Variants in FAT3 observed in about 807,000 individuals in gnomAD.
FAT3 encodes FAT atypical cadherin 3, also known as protocadherin Fat 3.
Under a neutral mutation model 310.2 loss-of-function variants are expected in FAT3, and 95 were observed. That is an observed-to-expected ratio of 0.31 (90% confidence interval 0.26 to 0.36). The LOEUF (loss-of-function observed/expected upper bound fraction) is 0.36, where lower values mean the gene tolerates loss of function less well. Ranked by LOEUF, FAT3 falls within the 10% of genes least tolerant of loss-of-function variation. FAT3 has a pLI of 1.00. For missense variants in FAT3, 5,408 were observed against 5,715.6 expected, an observed-to-expected ratio of 0.95 and a Z score of 1.74; for synonymous variants, 2,314 against 2,192.9, an observed-to-expected ratio of 1.06 and a Z score of -1.54.
chr11:92,789,717 A>G (rs1042442020), intron 7 of FAT3, among the ~76,000 whole-genome samples: 4 of 152,236 alleles, frequency 2.6e-5, no homozygotes, highest in Admixed American at 6.5e-5. Context: ...AATAGTGAGA[A>G]TATTGGTCAG....
intron 26 of FAT3, 126 bp from the exon 27 acceptor site, chr11:92,889,730 C>A: frequency 1.5e-6 from 1 of 648,148 alleles, no homozygotes; most frequent in Non-Finnish European, 2.9e-6. Context: ...ATAAAAAAGG[C>A]TAAACTTAGT....
intron 1 of FAT3, among the ~76,000 whole-genome samples, chr11:92,237,418 T>G (rs1036789126): frequency 6.6e-6 from 1 of 152,146 alleles, no homozygotes; most frequent in African/African-American, 2.4e-5. Flanking sequence ...GTGACTCTCC[T>G]TTGTTTGGGA....
chr11:92,729,077 C>T (rs934090351), intron 4 of FAT3, among the ~76,000 whole-genome samples: 1 of 152,110 alleles, frequency 6.6e-6, no homozygotes, highest in Admixed American at 6.6e-5. Context: ...AGAAAGGGGC[C>T]CAAGTCTTTG....
chr11:92,613,094 C>G (rs1367721706), intron 3 of FAT3, among the ~76,000 whole-genome samples: 3 of 152,150 alleles, frequency 2.0e-5, no homozygotes, highest in Non-Finnish European at 4.4e-5. Flanking sequence ...TTCTTGGATT[C>G]TAAGATCAGA....
chr11:92,528,611 T>C (rs544720777), intron 3 of FAT3, among the ~76,000 whole-genome samples: 14 of 152,164 alleles, frequency 9.2e-5, no homozygotes, highest in East Asian at 3.9e-4. Context: ...TGGTCTCGAT[T>C]TCCTGACCTC....
At chr11:92,234,565 G>A (rs1864330799) in intron 1 of FAT3, among the ~76,000 whole-genome samples, 1 of 152,040 alleles carries the variant, frequency 6.6e-6, no homozygotes, top group East Asian at 1.9e-4. Context: ...TCAGCAGTTC[G>A]AGACCTGCCT....
intron 22 of FAT3, among the ~76,000 whole-genome samples, chr11:92,871,856 G>A (rs1487484590): frequency 6.6e-6 from 1 of 152,102 alleles, no homozygotes; most frequent in Non-Finnish European, 1.5e-5. Flanking sequence ...ACTGACATTT[G>A]GGAATCCTGA....
chr11:92,439,238 CTT>C (rs530002461), intron 2 of FAT3, among the ~76,000 whole-genome samples: 1 of 151,378 alleles, frequency 6.6e-6, no homozygotes, highest in Non-Finnish European at 1.5e-5. Context: ...TTTTAATGCT[CTT>C]TTAAAAAAAC....
chr11:92,810,278 C>T (rs1056561312), intron 13 of FAT3, among the ~76,000 whole-genome samples: 2 of 152,150 alleles, frequency 1.3e-5, no homozygotes, highest in African/African-American at 2.4e-5. Flanking sequence ...TCCTCTTTCT[C>T]GAGTTTGAAG....
chr11:92,811,014 G>A (rs1029647151), intron 13 of FAT3, among the ~76,000 whole-genome samples: 2 of 152,104 alleles, frequency 1.3e-5, no homozygotes, highest in East Asian at 1.9e-4. Context: ...GAAAACAAAC[G>A]TAGAGCCTGG....
At chr11:92,600,792 G>T (rs961505946) in intron 3 of FAT3, among the ~76,000 whole-genome samples, 14 of 152,170 alleles carry the variant, frequency 9.2e-5, no homozygotes, top group Non-Finnish European at 1.5e-5. Context: ...GTAGGAAAAA[G>T]AATGATAGAG....
chr11:92,656,478 C>T (rs1942587047), intron 3 of FAT3, among the ~76,000 whole-genome samples: 1 of 152,332 alleles, frequency 6.6e-6, no homozygotes, highest in African/African-American at 2.4e-5. Context: ...ATTCAAGCCA[C>T]CTGCTCATTG....
At chr11:92,754,364 G>A (rs1945920636) in intron 4 of FAT3, among the ~76,000 whole-genome samples, 1 of 151,856 alleles carries the variant, frequency 6.6e-6, no homozygotes. Context: ...GATGGCTCAC[G>A]CCTGTAATAC....
Position 92,840,745 on chromosome 11 carries a change from G to A in FAT3, c.10552G>A (p.Val3518Met), listed in dbSNP as rs10765565. ...VFQHTESLEY[V>M]LCVQAKDSGK... ...CCAGCACACAGAGTCTCTGGAATAC[G>A]TGTTGTGTGTCCAGGTATGGCATCG... is the stretch of plus-strand genomic sequence containing the variant. Residue 3518 changes from valine (V) to methionine (M), a missense_variant, in exon 18 of 28, where the codon GTG becomes ATG. Transcript: ENST00000525166. 2.1e-3 allele frequency: 3,374 copies of A among 1,586,654 alleles called. 19 individuals are homozygous for A. The highest frequency in any genetic ancestry group is 0.011 in the Middle Eastern group (68 of 5,926).
chr11:92,534,712 G>A (rs1954194504), intron 3 of FAT3, among the ~76,000 whole-genome samples: 1 of 152,152 alleles, frequency 6.6e-6, no homozygotes, highest in Non-Finnish European at 1.5e-5. Context: ...CCAGAAGGAA[G>A]ACAACGTGCA....
chr11:92,759,525 G>A (rs913463724), intron 4 of FAT3, among the ~76,000 whole-genome samples: 1 of 152,136 alleles, frequency 6.6e-6, no homozygotes, highest in Admixed American at 6.5e-5. Flanking sequence ...GGACTTAAAG[G>A]GTGAGTAGGC....
At chr11:92,472,966 T>A (rs987991917) in intron 2 of FAT3, among the ~76,000 whole-genome samples, 4 of 152,214 alleles carry the variant, frequency 2.6e-5, no homozygotes, top group Non-Finnish European at 4.4e-5. Flanking sequence ...ACTTCCAGTT[T>A]GTTCCTCCAC....
At chr11:92,460,344 G>C (rs1951602485) in intron 2 of FAT3, among the ~76,000 whole-genome samples, 1 of 152,178 alleles carries the variant, frequency 6.6e-6, no homozygotes, top group Non-Finnish European at 1.5e-5. Context: ...TCAGGTCTCT[G>C]CTGAAGCATA....
At chr11:92,709,465 A>T (rs1026765379) in intron 4 of FAT3, among the ~76,000 whole-genome samples, 1 of 152,164 alleles carries the variant, frequency 6.6e-6, no homozygotes, top group African/African-American at 2.4e-5. Context: ...AAGCTGCAAG[A>T]TGAGCTCCAC....
Sources: gnomAD v4.1 joint callset for allele counts (sites outside exome capture counted in the v4.1 genomes callset) on GRCh38, gnomAD v4.1.1 for gene constraint, MANE v1.5 for transcripts, NCBI Gene and HGNC (gene_info 2026-07-23, HGNC 2026-07-21) for gene names.